The following MYO5B variants were observed in gnomAD, a reference collection of about 807,000 sequenced individuals.
MYO5B encodes myosin VB, also known as unconventional myosin-Vb.
Under a neutral mutation model 229.3 loss-of-function variants are expected in MYO5B, and 143 were observed. The observed-to-expected ratio is 0.62, with a 90% CI of 0.54 to 0.72. The LOEUF (loss-of-function observed/expected upper bound fraction) is 0.72, where lower values mean the gene tolerates loss of function less well. MYO5B is among the 30% of genes least tolerant of loss of function. The pLI is 0.00. For synonymous variants in MYO5B, 918 were observed against 885.2 expected, an observed-to-expected ratio of 1.04 and a Z score of -0.66; for missense variants, 2,321 against 2,331.0, an observed-to-expected ratio of 1.00 and a Z score of 0.09.
chr18:49,963,112 A>G (rs1381841424), intron 10 of MYO5B, 82 bp from the exon 11 acceptor site: 2 of 1,107,766 alleles, frequency 1.8e-6, no homozygotes, highest in East Asian at 4.7e-5. Context: ...GCTCTGACCC[A>G]GGTCTCCCCC....
intron 8 of MYO5B, among the ~76,000 whole-genome samples, chr18:49,984,041 T>C (rs2025844248): frequency 6.6e-6 from 1 of 152,180 alleles, no homozygotes; most frequent in Non-Finnish European, 1.5e-5. Flanking sequence ...TTCTCGAGCT[T>C]TCCTTTTTCT....
chr18:49,952,319 C>A (rs1259539427), intron 14 of MYO5B, among the ~76,000 whole-genome samples: 1 of 152,074 alleles, frequency 6.6e-6, no homozygotes, highest in East Asian at 1.9e-4. Flanking sequence ...TGGGAGAAAG[C>A]CTCCTAAATC....
intron 1 of MYO5B, among the ~76,000 whole-genome samples, chr18:50,135,761 G>A (rs887960417): frequency 3.3e-5 from 5 of 152,192 alleles, no homozygotes; most frequent in African/African-American, 1.2e-4. Context: ...CTGTTAGACT[G>A]TTAGAAACTG....
intron 9 of MYO5B, among the ~76,000 whole-genome samples, 183 bp from the exon 10 acceptor site, chr18:49,974,798 G>GACAGACACACACAC (rs2025730642): frequency 7.6e-6 from 1 of 130,996 alleles, no homozygotes; most frequent in Non-Finnish European, 1.6e-5. Flanking sequence ...CACACACACA[G>GACAGACACACACAC]ACACACACAC....
chr18:49,914,953 A>T (rs1376386342), intron 17 of MYO5B, among the ~76,000 whole-genome samples: 1 of 151,750 alleles, frequency 6.6e-6, no homozygotes. Flanking sequence ...TCCTAGGAGG[A>T]CTTGTTCCTC....
intron 1 of MYO5B, among the ~76,000 whole-genome samples, chr18:50,189,968 G>A (rs1377387189): frequency 2.0e-5 from 3 of 152,174 alleles, no homozygotes; most frequent in Admixed American, 1.3e-4. Context: ...TGCCAGTAAA[G>A]TAACCTCCCA....
chr18:49,902,139 T>C (rs928072699), intron 21 of MYO5B, among the ~76,000 whole-genome samples: 3 of 152,126 alleles, frequency 2.0e-5, no homozygotes, highest in Non-Finnish European at 4.4e-5. Flanking sequence ...TCTGAAGGGG[T>C]TGGCACGGCT....
chr18:50,147,835 C>A (rs575918492), intron 1 of MYO5B, among the ~76,000 whole-genome samples: 1 of 152,268 alleles, frequency 6.6e-6, no homozygotes, highest in South Asian at 2.1e-4. Context: ...AAGCAACTAC[C>A]TTGCCAAATC....
intron 9 of MYO5B, among the ~76,000 whole-genome samples, chr18:49,977,176 G>T (rs545559553): frequency 6.6e-6 from 1 of 152,262 alleles, no homozygotes; most frequent in Admixed American, 6.5e-5. Flanking sequence ...TCCGACTGTT[G>T]ATTGAAGGTG....
intron 1 of MYO5B, among the ~76,000 whole-genome samples, chr18:50,163,625 T>A (rs1223045963): frequency 6.6e-6 from 1 of 152,216 alleles, no homozygotes; most frequent in Non-Finnish European, 1.5e-5. Flanking sequence ...AGTGCATTCC[T>A]GATAGCGTCC....
intron 1 of MYO5B, among the ~76,000 whole-genome samples, chr18:50,119,205 G>A (rs571281751): frequency 6.6e-6 from 1 of 152,282 alleles, no homozygotes; most frequent in African/African-American, 2.4e-5. Flanking sequence ...ACCAGCTCCG[G>A]GTGATGCTGC....
chr18:49,998,372 T>G (rs1221121382), intron 5 of MYO5B, among the ~76,000 whole-genome samples: 1 of 152,170 alleles, frequency 6.6e-6, no homozygotes, highest in Non-Finnish European at 1.5e-5. Flanking sequence ...AGCTGGTTCA[T>G]GTACACACTC....
In MYO5B at chr18:49,963,012, T is replaced by A. The variant is rs960183837; in HGVS notation, c.1341A>T (p.Val447=). Residue 447 remains valine, a synonymous_variant, in exon 11 of 40, where the codon GTA becomes GTT. Transcript: ENST00000285039. ...LDIYGFETFE[V]NSFEQFCINY... ...TGATACAGAACTGCTCAAAGCTGTT[T>A]ACCTCAAATGTCTCAAACCTACAGA... 1.2e-6 allele frequency: 2 copies of A among 1,613,998 alleles called. No homozygotes were observed.
At chr18:49,838,458 G>A (rs1266404035) in intron 36 of MYO5B, among the ~76,000 whole-genome samples, 4 of 152,176 alleles carry the variant, frequency 2.6e-5, no homozygotes, top group Non-Finnish European at 5.9e-5. Flanking sequence ...TTTCCAGACA[G>A]GAAGGAGGGT....
chr18:49,997,369 CTTTTTTTTTTTT>C (rs34011258), intron 5 of MYO5B, among the ~76,000 whole-genome samples: 2 of 60,348 alleles, frequency 3.3e-5, no homozygotes, highest in African/African-American at 7.1e-5. Flanking sequence ...TCCTTTCTTT[CTTTTTTTTTTTT>C]TTTTTTTTTT....
intron 2 of MYO5B, among the ~76,000 whole-genome samples, chr18:50,043,579 T>C (rs1001732938): frequency 5.4e-5 from 7 of 130,090 alleles, no homozygotes; most frequent in Non-Finnish European, 1.1e-4. Flanking sequence ...TATTTTTATA[T>C]AAAAATATAT....
In MYO5B at chr18:49,990,518, T is replaced by C. The variant is rs1291747903; in HGVS notation, c.759A>G (p.Ala253=). ...LLEKSRVVFQ[A]DDERNYHIFY... ...AGATGTGGTAATTCCTCTCATCATC[T>C]GCCTGGAGGAGGAAGAAGTGAAGCA... The change falls in exon 7 of 40, where the codon GCA becomes GCG. Residue 253 remains alanine, a splice_region_variant and synonymous_variant. Transcript: ENST00000285039. 2 of 1,613,242 alleles carry C rather than the reference T, an allele frequency of 1.2e-6. No individual in the cohort carries two copies. Among genetic ancestry groups the C allele is most frequent in the African/African-American group, 2.7e-5 (2 of 74,922 alleles).
At chr18:49,895,621 G>A (rs150672585) in intron 21 of MYO5B, among the ~76,000 whole-genome samples, 1 of 152,268 alleles carries the variant, frequency 6.6e-6, no homozygotes, top group East Asian at 1.9e-4. Context: ...TCTAATCGCT[G>A]GCTTTGAGAC....
chr18:49,936,974 G>A (rs1009444088), intron 15 of MYO5B, among the ~76,000 whole-genome samples: 4 of 152,180 alleles, frequency 2.6e-5, no homozygotes, highest in Non-Finnish European at 4.4e-5. Flanking sequence ...CACACTAGGT[G>A]TCTTTGGCCC....
Sources: allele counts gnomAD v4.1 joint callset (sites outside exome capture counted in the v4.1 genomes callset), GRCh38; gene constraint gnomAD v4.1.1; transcripts MANE v1.5; gene names NCBI Gene and HGNC (gene_info 2026-07-23, HGNC 2026-07-21).